Variants in ARFGEF2 observed in about 807,000 individuals in gnomAD.
The protein encoded by ARFGEF2 is brefeldin A-inhibited guanine nucleotide-exchange protein 2.
In ARFGEF2, 74 loss-of-function variants were observed where a neutral mutation model predicts 219.9. The ratio of observed to expected loss-of-function variants is 0.34; its 90% CI spans 0.28 to 0.41. The LOEUF (loss-of-function observed/expected upper bound fraction) is 0.41, where lower values mean the gene tolerates loss of function less well. Ranked by LOEUF, ARFGEF2 falls within the 10% of genes least tolerant of loss-of-function variation. ARFGEF2 has a pLI of 1.00. For synonymous variants in ARFGEF2, 733 were observed against 799.2 expected, an observed-to-expected ratio of 0.92 and a Z score of 1.40; for missense variants, 1,743 against 2,218.3, an observed-to-expected ratio of 0.79 and a Z score of 4.30.
intron 14 of ARFGEF2, among the ~76,000 whole-genome samples, chr20:48,978,090 C>G (rs183824837): frequency 4.0e-4 from 61 of 152,264 alleles, no homozygotes; most frequent in Admixed American, 3.4e-3. Flanking sequence ...AGGTTTTCTT[C>G]TAGAGTTTTT....
intron 2 of ARFGEF2, 135 bp from the exon 3 acceptor site, chr20:48,941,729 T>C (rs2090994200): frequency 7.5e-7 from 1 of 1,331,678 alleles, no homozygotes; most frequent in African/African-American, 1.4e-5. Flanking sequence ...AATGCATGTA[T>C]TCAACTTTTA....
intron 1 of ARFGEF2, among the ~76,000 whole-genome samples, chr20:48,935,332 A>G (rs2090941126): frequency 2.0e-5 from 3 of 152,160 alleles, no homozygotes; most frequent in African/African-American, 7.2e-5. Context: ...CTGTTTAACA[A>G]AGCACATCTT....
At chr20:49,019,044 T>C (rs763205577) in intron 34 of ARFGEF2, 46 bp downstream of exon 34, 1 of 1,473,512 alleles carries the variant, frequency 6.8e-7, no homozygotes, top group Admixed American at 1.8e-5. Flanking sequence ...CATGTTTATG[T>C]GATTCATATA....
Position 48,963,890 on chromosome 20 carries a change from C to G in ARFGEF2, c.899C>G (p.Ala300Gly). The G allele has an allele frequency of 6.2e-7, 1 of 1,613,830 alleles. No individual in the cohort carries two copies. The highest frequency in any genetic ancestry group is 1.1e-5 in the South Asian group (1 of 91,022). ...KDILEDVVTS[A>G]IKEAAEKHGL... ...ATCTTGGAAGATGTAGTCACATCTGCCATTAAAGGTAAGAACCAAGGACAA... is the reference window on the plus strand; with the variant it reads ...ATCTTGGAAGATGTAGTCACATCTGGCATTAAAGGTAAGAACCAAGGACAA... Residue 300 changes from alanine (A) to glycine (G), a missense_variant, in exon 7 of 39, where the codon GCC (alanine) becomes GGC (glycine). This residue lies in a region of ARFGEF2 where 394 missense variants were observed against 426.6 expected (regional missense o/e 0.92). Coordinates refer to ENST00000371917, the MANE Select transcript of ARFGEF2 (RefSeq NM_006420.3).
intron 7 of ARFGEF2, 96 bp from the exon 8 acceptor site, chr20:48,965,776 C>A: frequency 6.9e-7 from 1 of 1,456,486 alleles, no homozygotes; most frequent in Non-Finnish European, 9.6e-7. Flanking sequence ...AAAGCAACAG[C>A]TGGGAGGTTC....
At position 49,034,718 on chromosome 20, in the gene ARFGEF2, T is replaced by A. The variant is rs896139879; in HGVS notation, c.*1519T>A. On this transcript the variant is annotated 3_prime_UTR_variant, in exon 39 of 39. Transcript: ENST00000371917. ...CCTATCTGTAAAATCAGATGTTTTT[T>A]CTTTGTAGAGAAGGATTTCTGGTGC... 1.3e-5 allele frequency: 2 copies of A among 152,238 alleles called. No homozygotes were observed. The highest frequency in any genetic ancestry group is 4.8e-5 in the African/African-American group (2 of 41,448). 9.4% of individuals were successfully genotyped at this position (152,238 alleles called of 1,614,324 possible).
chr20:49,014,992 T>C (rs966854869), intron 30 of ARFGEF2, among the ~76,000 whole-genome samples: 1 of 152,228 alleles, frequency 6.6e-6, no homozygotes, highest in Non-Finnish European at 1.5e-5. Flanking sequence ...TGTGATCCAC[T>C]TTTTTCTTCT....
intron 37 of ARFGEF2, 22 bp downstream of exon 37, chr20:49,028,690 T>A (rs370222630): frequency 6.2e-7 from 1 of 1,609,870 alleles, no homozygotes; most frequent in African/African-American, 1.3e-5. Context: ...AGTTTCTGAT[T>A]AGATTTCTAT....
chr20:48,953,632 C>T lies in ARFGEF2; in HGVS notation c.680C>T (p.Ser227Phe), dbSNP rs2091086142. The change falls in exon 6 of 39, where the codon TCC becomes TTC. Residue 227 changes from serine to phenylalanine, a missense_variant. Physicochemically the swap from Ser to Phe is radical, Grantham distance 155 (BLOSUM62 -2). Transcript: ENST00000371917. ...CCTGTGATCCAAGCTGCAGCAGTAT[C>T]CCCAAAGTTCGTTCGTTTGAAGCAC... Reference protein sequence around the residue: ...QSPVIQAAAVSPKFVRLKHSQ... With the variant: ...QSPVIQAAAVFPKFVRLKHSQ... The T allele has an allele frequency of 6.2e-7, 1 of 1,614,150 alleles. No individual in the cohort carries two copies. Among genetic ancestry groups the T allele is most frequent in the East Asian group, 2.2e-5 (1 of 44,884 alleles).
In ARFGEF2 at chr20:48,994,733, G is replaced by A. The variant is rs978166970; in HGVS notation, c.3121+135G>A. ...CATCTGACAGTGTTCATGAATGCAA[G>A]TGGACGTGCTGCTTTGGCCTCTTAA... On this transcript the variant is annotated intron_variant, in intron 22 of 38. Coordinates refer to ENST00000371917, the MANE Select transcript of ARFGEF2 (RefSeq NM_006420.3). 5.3e-6 allele frequency: 7 copies of A among 1,311,460 alleles called. No homozygotes were observed. In the African/African-American group the frequency reaches 1.0e-4, roughly 19 times the overall value. The allele number at this position is 1,311,460 out of a possible 1,614,324, so 81.2% of individuals were successfully genotyped here.
intron 6 of ARFGEF2, among the ~76,000 whole-genome samples, chr20:48,958,950 A>G: frequency 6.6e-6 from 1 of 152,220 alleles, no homozygotes. Flanking sequence ...CTGGCTGAAG[A>G]GGGCAGCTTC....
At chr20:49,017,166 A>G (rs1421050987) in intron 31 of ARFGEF2, 83 bp from the exon 32 acceptor site, 2 of 1,424,100 alleles carry the variant, frequency 1.4e-6, no homozygotes, top group Non-Finnish European at 2.0e-6. Context: ...GCTGTCTCCA[A>G]CTCACAATAT....
At chr20:48,986,337 C>T (rs2091326228) in intron 16 of ARFGEF2, among the ~76,000 whole-genome samples, 1 of 152,078 alleles carries the variant, frequency 6.6e-6, no homozygotes, top group African/African-American at 2.4e-5. Flanking sequence ...AACTCAGAAG[C>T]TCATGTTCGG....
Position 48,988,317 on chromosome 20 carries a change from G to A in ARFGEF2, c.2290G>A (p.Ala764Thr), listed in dbSNP as rs1284693747. 1.2e-6 allele frequency: 2 copies of A among 1,613,488 alleles called. No homozygotes were observed. Among genetic ancestry groups the A allele is most frequent in the East Asian group, 2.2e-5 (1 of 44,882 alleles). ...TTTTTTCTCCAGGCAAACTCTGTTT[G>A]CTAGTGCTGACACTGCTTATGTCCT... The part of the protein sequence containing the change: ...IECNQGQTLF[A>T]SADTAYVLAY... Residue 764 changes from alanine to threonine, a missense_variant, in exon 17 of 39, where the codon GCT (alanine) becomes ACT (threonine). Physicochemically the swap from Ala to Thr is moderately conservative, Grantham distance 58. Around this residue, in one of 5 missense-constraint regions of ARFGEF2, gnomAD observed 666 missense variants for 955.4 expected, o/e 0.70. Coordinates refer to ENST00000371917, the MANE Select transcript of ARFGEF2 (RefSeq NM_006420.3).
intron 2 of ARFGEF2, among the ~76,000 whole-genome samples, chr20:48,941,649 ATGT>A (rs1248825720): frequency 1.3e-5 from 2 of 152,204 alleles, no homozygotes; most frequent in Admixed American, 1.3e-4. Flanking sequence ...TCAGTCCAGG[ATGT>A]TGTTAATTCA....
Position 48,984,896 on chromosome 20 carries a change from C to G in ARFGEF2, c.2070+56C>G, listed in dbSNP as rs1177005224. The G allele has an allele frequency of 3.7e-6, 6 of 1,611,386 alleles. No homozygotes were observed. The Admixed American group carries it at 1.0e-4, about 27-fold the overall frequency. Reference sequence around the variant, plus strand: ...GAGTTCTGTCAGGTGATTGTGAGCCCTTACCAGTTTTAACCTCGAGATTGT... The same window carrying G: ...GAGTTCTGTCAGGTGATTGTGAGCCGTTACCAGTTTTAACCTCGAGATTGT... On this transcript the variant is annotated intron_variant, in intron 15 of 38. Transcript: ENST00000371917.
At chr20:48,964,143 T>A (rs1055151248) in intron 7 of ARFGEF2, among the ~76,000 whole-genome samples, 1 of 152,202 alleles carries the variant, frequency 6.6e-6, no homozygotes, top group Non-Finnish European at 1.5e-5. Context: ...GCGCGGTGGC[T>A]CATGCCTGTA....
intron 8 of ARFGEF2, among the ~76,000 whole-genome samples, chr20:48,967,145 C>A (rs1007584382): frequency 1.3e-5 from 2 of 152,156 alleles, no homozygotes; most frequent in African/African-American, 4.8e-5. Flanking sequence ...TGTATCCAAC[C>A]AGAATAATGT....
chr20:48,923,144 AAG>A (rs2090854009), intron 1 of ARFGEF2, among the ~76,000 whole-genome samples: 1 of 152,180 alleles, frequency 6.6e-6, no homozygotes. Flanking sequence ...GGAGTTTCAG[AAG>A]AGAGTTCTTG....
Sources: allele counts gnomAD v4.1 joint callset (sites outside exome capture counted in the v4.1 genomes callset), GRCh38; gene constraint gnomAD v4.1.1; regional missense constraint gnomAD v4.1.1; transcripts MANE v1.5; gene names NCBI Gene and HGNC (gene_info 2026-07-23, HGNC 2026-07-21).